Variants in RBFOX1 observed in about 807,000 individuals in gnomAD.
The protein encoded by RBFOX1 is RNA binding fox-1 homolog 1, also known as RNA binding protein fox-1 homolog 1.
RBFOX1 carries 8 observed loss-of-function variants against 57.7 expected under a neutral mutation model. The observed-to-expected ratio is 0.14, with a 90% CI of 0.08 to 0.25. The LOEUF (loss-of-function observed/expected upper bound fraction) is 0.25. RBFOX1 is among the 10% of genes least tolerant of loss of function. The pLI is 1.00. For missense variants in RBFOX1, 611 were observed against 548.5 expected (o/e 1.11, Z -1.14); for synonymous variants, 326 against 222.4 (o/e 1.47, Z -4.15).
At chr16:5,332,234 A>G (rs186962318) in intron 1 of RBFOX1, among the ~76,000 whole-genome samples, 50 of 152,260 alleles carry the variant, frequency 3.3e-4, no homozygotes, top group African/African-American at 1.1e-3. Flanking sequence ...TTACCCACGC[A>G]GAGGCATTTG....
At chr16:7,034,031 C>T (rs556157921) in intron 3 of RBFOX1, among the ~76,000 whole-genome samples, 11 of 152,280 alleles carry the variant, frequency 7.2e-5, no homozygotes, top group African/African-American at 2.2e-4. Flanking sequence ...TTGGATTTCT[C>T]TCCATTGCGG....
At chr16:5,602,192 G>C (rs1186562045), downstream of RBFOX1, among the ~76,000 whole-genome samples, 18 of 152,206 alleles carry the variant, frequency 1.2e-4, no homozygotes. Context: ...ACCTCTACTG[G>C]AGGCAGCATA....
intron 3 of RBFOX1, among the ~76,000 whole-genome samples, chr16:5,709,652 C>G (rs1567429418): frequency 6.7e-6 from 1 of 150,124 alleles, no homozygotes; most frequent in South Asian, 2.1e-4. Flanking sequence ...TGCATTCTTA[C>G]ATAGGATAAT....
chr16:6,977,754 C>A (rs1182481548), intron 3 of RBFOX1, among the ~76,000 whole-genome samples: 1 of 151,966 alleles, frequency 6.6e-6, no homozygotes. Flanking sequence ...GGCCATTTCT[C>A]TGAAGAAAAG....
At chr16:5,935,129 G>T (rs1597855852) in intron 4 of RBFOX1, among the ~76,000 whole-genome samples, 1 of 152,312 alleles carries the variant, frequency 6.6e-6, no homozygotes, top group East Asian at 1.9e-4. Context: ...GGCCTTCCAA[G>T]AAGGCTTGTG....
At position 6,919,450 on chromosome 16, in the gene RBFOX1, GTT is replaced by G. The variant is rs59195239; in HGVS notation, c.-15-132597_-15-132596del. ...GCTCCCCCAAACTGGAACATAGAGG[GTT>G]TTTTTTTTTAAGTAAACTTCTCAGC... On this transcript the variant is annotated intron_variant, in intron 3 of 15. Transcript: ENST00000550418. 8.0e-5 allele frequency among the ~76,000 whole-genome samples: 12 copies of G among 149,584 alleles called. 1 individual carries two copies. The highest frequency in any genetic ancestry group is 2.5e-4 in the African/African-American group (10 of 40,784).
chr16:7,377,998 G>A (rs960527637), intron 4 of RBFOX1, among the ~76,000 whole-genome samples: 1 of 152,220 alleles, frequency 6.6e-6, no homozygotes, highest in African/African-American at 2.4e-5. Flanking sequence ...GGAACAGAAT[G>A]TGCAAAGTCT....
At chr16:7,608,682 C>T (rs933860937) in intron 10 of RBFOX1, among the ~76,000 whole-genome samples, 5 of 152,184 alleles carry the variant, frequency 3.3e-5, no homozygotes, top group African/African-American at 1.2e-4. Flanking sequence ...AGTTACTTAA[C>T]CTCTCTGTGC....
intron 2 of RBFOX1, among the ~76,000 whole-genome samples, chr16:6,376,273 T>C (rs1313348183): frequency 2.0e-5 from 3 of 148,688 alleles, no homozygotes; most frequent in Admixed American, 6.8e-5. Flanking sequence ...AGGCGGTGTG[T>C]TGTGTTGGGT....
chr16:7,564,978 C>G (rs1014062816), intron 5 of RBFOX1, among the ~76,000 whole-genome samples: 1 of 152,140 alleles, frequency 6.6e-6, no homozygotes, highest in African/African-American at 2.4e-5. Context: ...TCAGCCCAGC[C>G]AGGCTCGAAA....
chr16:6,945,533 A>C (rs1283525631), intron 3 of RBFOX1, among the ~76,000 whole-genome samples: 1 of 152,092 alleles, frequency 6.6e-6, no homozygotes, highest in Non-Finnish European at 1.5e-5. Context: ...CTGACCATGT[A>C]AAGCCACATC....
At chr16:6,550,084 G>T (rs1322853503) in intron 2 of RBFOX1, among the ~76,000 whole-genome samples, 1 of 152,202 alleles carries the variant, frequency 6.6e-6, no homozygotes, top group African/African-American at 2.4e-5. Context: ...CTGTTCACTT[G>T]TGCCTCCAGC....
intron 4 of RBFOX1, among the ~76,000 whole-genome samples, chr16:7,293,732 C>G (rs1033421307): frequency 2.6e-5 from 4 of 152,218 alleles, no homozygotes; most frequent in Non-Finnish European, 5.9e-5. Context: ...ATACCCGATA[C>G]ATCCCCAGTG....
chr16:5,380,754 T>G (rs2066110532), intron 1 of RBFOX1, among the ~76,000 whole-genome samples: 1 of 152,196 alleles, frequency 6.6e-6, no homozygotes, highest in Admixed American at 6.5e-5. Context: ...AGATCCAAAC[T>G]CAGGAGTCTC....
chr16:6,234,053 G>A (rs2097486438), intron 1 of RBFOX1, among the ~76,000 whole-genome samples: 1 of 152,126 alleles, frequency 6.6e-6, no homozygotes, highest in Non-Finnish European at 1.5e-5. Context: ...CATGGCAGAT[G>A]GGCAGGCTGG....
chr16:6,146,961 G>A (rs1003843304), intron 1 of RBFOX1, among the ~76,000 whole-genome samples: 1 of 152,026 alleles, frequency 6.6e-6, no homozygotes, highest in Non-Finnish European at 1.5e-5. Flanking sequence ...AACATCCTTA[G>A]CTCCTCCTCC....
At chr16:7,073,468 G>A (rs1567159983) in intron 4 of RBFOX1, among the ~76,000 whole-genome samples, 1 of 152,042 alleles carries the variant, frequency 6.6e-6, no homozygotes, top group African/African-American at 2.4e-5. Flanking sequence ...AAAGAAAGAC[G>A]ATATAATTCA....
intron 3 of RBFOX1, among the ~76,000 whole-genome samples, chr16:6,891,193 G>A (rs560906286): frequency 3.9e-5 from 6 of 152,146 alleles, no homozygotes; most frequent in African/African-American, 1.4e-4. Context: ...TATCAGTAGT[G>A]GCTACAATAA....
rs865868448 is a variant in RBFOX1, at chr16:7,376,550, A to G, written c.28-141597A>G. ...TAAGTCCCTAAATTCAGATTTTCCA[A>G]CCTCCGAGTTTTCTGGGTTAGACCT... On this transcript the variant is annotated intron_variant, in intron 4 of 15. Transcript: ENST00000550418. 1.2e-4 allele frequency among the ~76,000 whole-genome samples: 18 copies of G among 152,088 alleles called. 1 individual carries two copies. The highest frequency in any genetic ancestry group is 2.1e-4 in the South Asian group (1 of 4,810).
Sources: allele counts gnomAD v4.1 joint callset (sites outside exome capture counted in the v4.1 genomes callset), GRCh38; gene constraint gnomAD v4.1.1; transcripts MANE v1.5; gene names NCBI Gene and HGNC (gene_info 2026-07-23, HGNC 2026-07-21).